Variants in AOPEP observed in about 807,000 individuals in gnomAD.
The protein encoded by AOPEP is aminopeptidase O.
Under a neutral mutation model 98.1 loss-of-function variants are expected in AOPEP, and 77 were observed. The observed-to-expected ratio is 0.78, with a 90% CI of 0.65 to 0.95. The LOEUF (loss-of-function observed/expected upper bound fraction) is 0.95, where lower values mean the gene tolerates loss of function less well. Among genes scored for constraint, AOPEP ranks in the 40% least tolerant of loss-of-function variants. The pLI, the probability that AOPEP is intolerant of heterozygous loss-of-function variation, is 0.00. For missense variants in AOPEP, 1,024 were observed against 1,024.7 expected, an observed-to-expected ratio of 1.00 and a Z score of 0.01; for synonymous variants, 346 against 365.3, an observed-to-expected ratio of 0.95 and a Z score of 0.60.
intron 14 of AOPEP, among the ~76,000 whole-genome samples, chr9:95,065,952 T>C (rs542764621): frequency 3.3e-5 from 5 of 152,216 alleles, no homozygotes; most frequent in Non-Finnish European, 5.9e-5. Flanking sequence ...GAGACCATGC[T>C]TGTGAGGGTC....
At chr9:94,795,629 T>C (rs1341427082) in intron 4 of AOPEP, among the ~76,000 whole-genome samples, 3 of 152,224 alleles carry the variant, frequency 2.0e-5, no homozygotes, top group African/African-American at 7.2e-5. Context: ...TTTCTAGCCA[T>C]ATTCCAAAGA....
intron 7 of AOPEP, among the ~76,000 whole-genome samples, chr9:94,939,137 A>G (rs1159811608): frequency 6.6e-6 from 1 of 151,920 alleles, no homozygotes; most frequent in African/African-American, 2.4e-5. Flanking sequence ...AGTCCCACCT[A>G]CTTGGGAGGC....
intron 11 of AOPEP, chr9:95,004,906 A>C (rs2061839097): frequency 6.9e-6 from 1 of 144,264 alleles, no homozygotes; most frequent in Non-Finnish European, 1.5e-5. Context: ...TATACCTTTA[A>C]GGCAGGCCCC....
intron 13 of AOPEP, among the ~76,000 whole-genome samples, chr9:95,030,803 GC>G (rs2064231856): frequency 1.3e-5 from 2 of 152,328 alleles, no homozygotes; most frequent in African/African-American, 4.8e-5. Context: ...TGGAAGATGA[GC>G]TTCAAGGTTC....
At chr9:94,962,863 C>T (rs974921694) in intron 9 of AOPEP, among the ~76,000 whole-genome samples, 3 of 151,982 alleles carry the variant, frequency 2.0e-5, no homozygotes, top group Non-Finnish European at 4.4e-5. Context: ...CCTGCCTCAG[C>T]CTCCCGAGTA....
intron 11 of AOPEP, among the ~76,000 whole-genome samples, chr9:95,004,465 C>T (rs1215255161): frequency 1.3e-5 from 2 of 152,098 alleles, no homozygotes; most frequent in African/African-American, 2.4e-5. Flanking sequence ...TGCCGCTGCC[C>T]GGAGCCCCGA....
At chr9:94,750,310 G>A (rs1230362077) in intron 1 of AOPEP, among the ~76,000 whole-genome samples, 1 of 152,180 alleles carries the variant, frequency 6.6e-6, no homozygotes, top group Non-Finnish European at 1.5e-5. Context: ...TTTCGGCCAG[G>A]TGCAGTGGCT....
At chr9:94,784,736 C>T (rs981976592) in intron 3 of AOPEP, among the ~76,000 whole-genome samples, 1 of 152,202 alleles carries the variant, frequency 6.6e-6, no homozygotes, top group Non-Finnish European at 1.5e-5. Flanking sequence ...CTGCTTCAGC[C>T]TCCTGAGTAG....
At chr9:95,090,413 C>G (rs1564628505), downstream of AOPEP, among the ~76,000 whole-genome samples, 1 of 152,352 alleles carries the variant, frequency 6.6e-6, no homozygotes, top group East Asian at 1.9e-4. Flanking sequence ...ACGTTTTAAA[C>G]CATGTCCCCT....
chr9:94,948,955 G>A (rs374703987), intron 7 of AOPEP, among the ~76,000 whole-genome samples: 19 of 152,276 alleles, frequency 1.2e-4, no homozygotes, highest in African/African-American at 4.3e-4. Context: ...CTCTCTTTAT[G>A]TAGCGTGGGT....
At chr9:94,894,320 C>T (rs1015956816) in intron 5 of AOPEP, among the ~76,000 whole-genome samples, 3 of 152,016 alleles carry the variant, frequency 2.0e-5, no homozygotes, top group African/African-American at 7.2e-5. Flanking sequence ...TGGCTAACTG[C>T]ATTAAGAGGG....
the AOPEP span, among the ~76,000 whole-genome samples, chr9:95,140,377 T>C: frequency 2.0e-5 from 3 of 152,184 alleles, no homozygotes; most frequent in East Asian, 1.9e-4. Flanking sequence ...AGTGAGGCAG[T>C]TGTGTTTTCT....
At position 94,979,347 on chromosome 9, in the gene AOPEP, T is replaced by C; in HGVS notation, c.1917-20T>C. The C allele has an allele frequency of 6.4e-7, 1 of 1,569,400 alleles. No individual in the cohort carries two copies. Among genetic ancestry groups the C allele is most frequent in the Non-Finnish European group, 8.7e-7 (1 of 1,145,560 alleles). On this transcript the variant is annotated intron_variant, in intron 10 of 16. Transcript: ENST00000375315. ...CTGTAACTTTTTAATCCTTTACTTT[T>C]TGTTGTTTTATTTCTAAAGGCTTGA...
intron 5 of AOPEP, among the ~76,000 whole-genome samples, chr9:94,903,489 C>T (rs75534305): frequency 0.012 from 1,759 of 151,938 alleles, 44 homozygotes; most frequent in African/African-American, 0.04. Context: ...CAACTAGATA[C>T]ACTTGTAAAA....
chr9:94,896,368 C>T (rs1361605056), intron 5 of AOPEP, among the ~76,000 whole-genome samples: 1 of 152,138 alleles, frequency 6.6e-6, no homozygotes, highest in Non-Finnish European at 1.5e-5. Context: ...TGTAGATGCT[C>T]CCCTTCCGAG....
At chr9:94,729,296 G>C (rs1169934458) in intron 1 of AOPEP, among the ~76,000 whole-genome samples, 1 of 152,112 alleles carries the variant, frequency 6.6e-6, no homozygotes, top group African/African-American at 2.4e-5. Flanking sequence ...ATAGAGGCTG[G>C]GGGCACTGTG....
chr9:95,058,383 C>G (rs1293357960), intron 13 of AOPEP, among the ~76,000 whole-genome samples: 3 of 152,116 alleles, frequency 2.0e-5, no homozygotes, highest in Non-Finnish European at 4.4e-5. Context: ...TTCTACTCTC[C>G]CCTTCCCTGT....
intron 7 of AOPEP, among the ~76,000 whole-genome samples, chr9:94,939,622 A>T (rs1436408732): frequency 6.6e-6 from 1 of 152,254 alleles, no homozygotes; most frequent in Non-Finnish European, 1.5e-5. Context: ...CAACATGACC[A>T]CTAATGGAAA....
chr9:94,844,262 G>A (rs945661790), intron 5 of AOPEP, among the ~76,000 whole-genome samples: 25 of 152,050 alleles, frequency 1.6e-4, no homozygotes, highest in African/African-American at 5.8e-4. Context: ...CACCATGTTG[G>A]CCAGGCTGGT....
Sources: allele counts gnomAD v4.1 joint callset (sites outside exome capture counted in the v4.1 genomes callset), GRCh38; gene constraint gnomAD v4.1.1; transcripts MANE v1.5; gene names NCBI Gene and HGNC (gene_info 2026-07-23, HGNC 2026-07-21).